The following CSGALNACT1 variants were observed in gnomAD, a reference collection of about 807,000 sequenced individuals.
The protein encoded by CSGALNACT1 is beta4GalNAcT-1.
A neutral mutation model predicts 51.0 loss-of-function variants in CSGALNACT1; 52 were observed. The observed-to-expected ratio is 1.02, with a 90% CI of 0.82 to 1.29. The LOEUF (loss-of-function observed/expected upper bound fraction) is 1.29, where lower values mean the gene tolerates loss of function less well. CSGALNACT1 is among the 50% of genes most tolerant of loss of function. The pLI is 0.00. For missense variants in CSGALNACT1, 935 were observed against 679.2 expected, an observed-to-expected ratio of 1.38 and a Z score of -4.19; for synonymous variants, 341 against 254.4, an observed-to-expected ratio of 1.34 and a Z score of -3.24.
chr8:19,479,266 T>A (rs1233704030), intron 4 of CSGALNACT1, among the ~76,000 whole-genome samples: 1 of 152,116 alleles, frequency 6.6e-6, no homozygotes, highest in South Asian at 2.1e-4. Context: ...GACTAAAACA[T>A]CTCAACGGCC....
rs1323320647 is a variant in CSGALNACT1, at chr8:19,458,657, A to G, written c.635-15T>C. The stretch of plus-strand genomic sequence containing the variant: ...TCGGTAGATCCCTGTTAAGAGAAAA[A>G]CAAGGAAAGATAGTTCTAAAAATTA... On this transcript the variant is annotated splice_polypyrimidine_tract_variant and intron_variant, in intron 4 of 9. Transcript: ENST00000454498. 6.2e-7 allele frequency: 1 copy of G among 1,612,192 alleles called. No individual in the cohort carries two copies. Among genetic ancestry groups the G allele is most frequent in the Admixed American group, 1.7e-5 (1 of 60,024 alleles).
intron 4 of CSGALNACT1, among the ~76,000 whole-genome samples, chr8:19,502,716 C>T (rs1160647924): frequency 6.6e-6 from 1 of 152,176 alleles, no homozygotes; most frequent in Admixed American, 6.5e-5. Flanking sequence ...AAATTTCACC[C>T]TTATAAAATC....
At chr8:19,517,766 G>A (rs1290112833) in intron 3 of CSGALNACT1, among the ~76,000 whole-genome samples, 1 of 152,104 alleles carries the variant, frequency 6.6e-6, no homozygotes, top group African/African-American at 2.4e-5. Flanking sequence ...GAACATTATA[G>A]GGGAAACCAC....
intron 3 of CSGALNACT1, among the ~76,000 whole-genome samples, chr8:19,586,695 C>T (rs1195467641): frequency 1.3e-5 from 2 of 152,194 alleles, no homozygotes; most frequent in South Asian, 2.1e-4. Flanking sequence ...AAATGCAGTA[C>T]TTCTCATAGA....
chr8:19,516,626 T>C (rs2079573042), intron 3 of CSGALNACT1, among the ~76,000 whole-genome samples: 1 of 152,198 alleles, frequency 6.6e-6, no homozygotes, highest in African/African-American at 2.4e-5. Flanking sequence ...GTGTGAGCCT[T>C]GCTCTGTCCC....
At chr8:19,584,601 T>C (rs1034291243) in intron 3 of CSGALNACT1, among the ~76,000 whole-genome samples, 8 of 152,214 alleles carry the variant, frequency 5.3e-5, no homozygotes, top group African/African-American at 9.7e-5. Flanking sequence ...TGCTAATAAA[T>C]ACCATTAATT....
intron 1 of CSGALNACT1, among the ~76,000 whole-genome samples, chr8:19,616,284 A>T (rs919932684): frequency 6.6e-6 from 1 of 152,184 alleles, no homozygotes; most frequent in African/African-American, 2.4e-5. Flanking sequence ...AATAAGAGAA[A>T]GCCTCAAGTC....
At chr8:19,407,908 TGTGTGTGTGTGTG>T (rs2054641429) in intron 9 of CSGALNACT1, among the ~76,000 whole-genome samples, 1 of 47,004 alleles carries the variant, frequency 2.1e-5, no homozygotes, top group Non-Finnish European at 4.1e-5. Context: ...ATATGAATTG[TGTGTGTGTGTGTG>T]TGTGTGTGTG....
intron 3 of CSGALNACT1, among the ~76,000 whole-genome samples, chr8:19,542,412 A>T (rs1011337445): frequency 5.3e-5 from 8 of 152,196 alleles, no homozygotes; most frequent in Admixed American, 2.6e-4. Flanking sequence ...GAATCATTAA[A>T]TATTTTAAAC....
chr8:19,586,470 C>T (rs1479866465), intron 3 of CSGALNACT1, among the ~76,000 whole-genome samples: 1 of 151,690 alleles, frequency 6.6e-6, no homozygotes, highest in Non-Finnish European at 1.5e-5. Context: ...TGATTCTCAA[C>T]CTCTAAAACA....
intron 3 of CSGALNACT1, among the ~76,000 whole-genome samples, chr8:19,526,611 A>G (rs1178501489): frequency 6.6e-6 from 1 of 152,086 alleles, no homozygotes; most frequent in Admixed American, 6.5e-5. Context: ...ATATATAAAA[A>G]TTGTAGGTAA....
intron 3 of CSGALNACT1, among the ~76,000 whole-genome samples, chr8:19,558,592 T>C (rs966363601): frequency 6.6e-6 from 1 of 152,220 alleles, no homozygotes; most frequent in Non-Finnish European, 1.5e-5. Context: ...GTGGGTTTAA[T>C]CTAGATGTTT....
chr8:19,423,427 T>C (rs1034474666), intron 6 of CSGALNACT1, among the ~76,000 whole-genome samples: 1 of 152,090 alleles, frequency 6.6e-6, no homozygotes, highest in Non-Finnish European at 1.5e-5. Flanking sequence ...GGAAGAGTGG[T>C]AATTTGGTGG....
At chr8:19,652,416 T>A (rs529475729) in intron 1 of CSGALNACT1, among the ~76,000 whole-genome samples, 1 of 152,322 alleles carries the variant, frequency 6.6e-6, no homozygotes, top group African/African-American at 2.4e-5. Context: ...CATGGATGCA[T>A]ATCTAGAAAT....
chr8:19,563,829 T>C (rs559556177), intron 3 of CSGALNACT1, among the ~76,000 whole-genome samples: 2 of 152,084 alleles, frequency 1.3e-5, no homozygotes, highest in Non-Finnish European at 2.9e-5. Flanking sequence ...CTTCCTTGCG[T>C]AACACTCAAA....
At chr8:19,698,989 C>A (rs180863953) in intron 1 of CSGALNACT1, among the ~76,000 whole-genome samples, 1 of 152,116 alleles carries the variant, frequency 6.6e-6, no homozygotes, top group Non-Finnish European at 1.5e-5. Context: ...TAATACCTGA[C>A]GCAATGTAAA....
At chr8:19,639,576 G>A (rs1187809204) in intron 1 of CSGALNACT1, among the ~76,000 whole-genome samples, 2 of 152,154 alleles carry the variant, frequency 1.3e-5, no homozygotes, top group Non-Finnish European at 2.9e-5. Context: ...CCAGGGAGGA[G>A]ATACTCAAAA....
intron 9 of CSGALNACT1, among the ~76,000 whole-genome samples, chr8:19,407,168 A>G (rs1278456960): frequency 6.6e-6 from 1 of 151,640 alleles, no homozygotes; most frequent in Non-Finnish European, 1.5e-5. Flanking sequence ...TGCTCCTTCC[A>G]ACAGGACTTG....
intron 3 of CSGALNACT1, among the ~76,000 whole-genome samples, chr8:19,561,845 G>T (rs2040795609): frequency 6.6e-6 from 1 of 152,196 alleles, no homozygotes; most frequent in Non-Finnish European, 1.5e-5. Context: ...AGTCAGTGGG[G>T]CCAGGAGGGT....
Sources: allele counts gnomAD v4.1 joint callset (sites outside exome capture counted in the v4.1 genomes callset), GRCh38; gene constraint gnomAD v4.1.1; transcripts MANE v1.5; gene names NCBI Gene and HGNC (gene_info 2026-07-23, HGNC 2026-07-21).